The following VSTM1 variants were observed in gnomAD, a reference collection of about 807,000 sequenced individuals.
VSTM1 encodes V-set and transmembrane domain-containing protein 1.
Under a neutral mutation model 33.1 loss-of-function variants are expected in VSTM1, and 27 were observed. The observed-to-expected ratio is 0.82, with a 90% CI of 0.60 to 1.12. The LOEUF (loss-of-function observed/expected upper bound fraction) is 1.12. Among genes scored for constraint, VSTM1 ranks in the 50% most tolerant of loss-of-function variants. VSTM1 has a pLI of 0.00. For synonymous variants in VSTM1, 115 were observed against 110.3 expected (o/e 1.04, Z -0.27); for missense variants, 304 against 288.9 (o/e 1.05, Z -0.38).
At chr19:54,050,297 C>T (rs2070778382) in intron 4 of VSTM1, among the ~76,000 whole-genome samples, 1 of 151,866 alleles carries the variant, frequency 6.6e-6, no homozygotes, top group South Asian at 2.1e-4. Context: ...CCTCGCCTGG[C>T]CCAAAAGCTC....
intron 4 of VSTM1, among the ~76,000 whole-genome samples, chr19:54,044,261 G>C (rs1308775155): frequency 1.3e-5 from 2 of 152,124 alleles, no homozygotes; most frequent in Non-Finnish European, 2.9e-5. Flanking sequence ...GAGCAGGGTA[G>C]AAAAGAATGA....
chr19:54,059,234 C>T (rs138701310), intron 1 of VSTM1, among the ~76,000 whole-genome samples: 7,794 of 151,490 alleles, frequency 0.051, 267 homozygotes, highest in Admixed American at 0.1. Flanking sequence ...CTAATTTTTG[C>T]ATTTTTAGTA....
At chr19:54,060,061 C>CCA (rs1452895358) in intron 1 of VSTM1, among the ~76,000 whole-genome samples, 2 of 149,966 alleles carry the variant, frequency 1.3e-5, no homozygotes, top group African/African-American at 4.9e-5. Flanking sequence ...ACTGTGTTAG[C>CCA]CAGGATGGTC....
rs746417147 is a variant in VSTM1 at position 54,056,920 on chromosome 19, T to G, written c.355+1386A>C. Among the ~76,000 whole-genome samples the G allele has an allele frequency of 8.7e-4, 121 of 139,374 alleles. 17 individuals are homozygous for G. The highest frequency in any genetic ancestry group is 1.6e-3 in the Non-Finnish European group (103 of 63,598). 91.4% of individuals were successfully genotyped at this position (139,374 alleles called of 152,430 possible). A position where few individuals can be genotyped will look rare whatever the true frequency, so the allele number is the denominator to read the frequency against. Reference sequence around the variant, plus strand: ...CAGGCTGCAGTGCAGTGGCACAATCTCAGCTCATTACAACCTCTGCCTTCT... The same window carrying G: ...CAGGCTGCAGTGCAGTGGCACAATCGCAGCTCATTACAACCTCTGCCTTCT... On this transcript the variant is annotated intron_variant, in intron 3 of 8. Transcript: ENST00000338372.
At position 54,042,278 on chromosome 19, in the gene VSTM1, G is replaced by A. The variant is rs749033659; in HGVS notation, c.486C>T (p.His162=). ...SVFIIYRCSQ[H]SSSSEESTKR... is the part of the protein sequence containing the mutation. ...TCCCTTTGCGTTCTCTGAGCTCACT[G>A]TGCTGGCTGCATCTGTAGATGATGA... The change falls in exon 5 of 9, where the codon CAC becomes CAT. Residue 162 remains histidine, a splice_region_variant and synonymous_variant. Coordinates refer to ENST00000338372, the MANE Select transcript of VSTM1 (RefSeq NM_198481.4). The A allele has an allele frequency of 5.6e-6, 9 of 1,613,840 alleles. No homozygotes were observed. In the Admixed American group the frequency reaches 1.2e-4, roughly 21 times the overall value.
At chr19:54,051,288 T>A (rs1164807593) in intron 4 of VSTM1, 122 bp downstream of exon 4, 1 of 937,098 alleles carries the variant, frequency 1.1e-6, no homozygotes, top group African/African-American at 1.7e-5. Context: ...CGAGACTCTA[T>A]CTCAAAAAAC....
At chr19:54,048,775 C>T (rs2070713884) in intron 4 of VSTM1, among the ~76,000 whole-genome samples, 1 of 152,098 alleles carries the variant, frequency 6.6e-6, no homozygotes, top group African/African-American at 2.4e-5. Flanking sequence ...GTGCAGACAA[C>T]ACAAATGTCC....
intron 4 of VSTM1, among the ~76,000 whole-genome samples, chr19:54,043,013 G>A (rs551608363): frequency 1.3e-5 from 2 of 150,360 alleles, no homozygotes; most frequent in Non-Finnish European, 3.0e-5. Context: ...ACATCTGTCT[G>A]TGTAATCACT....
At chr19:54,045,547 G>A (rs1010974742) in intron 4 of VSTM1, among the ~76,000 whole-genome samples, 2 of 151,604 alleles carry the variant, frequency 1.3e-5, no homozygotes, top group African/African-American at 2.4e-5. Context: ...TCTATCTACC[G>A]ACTTACCTAT....
intron 1 of VSTM1, 110 bp from the exon 2 acceptor site, chr19:54,058,842 T>A (rs865781855): frequency 8.1e-6 from 4 of 496,324 alleles, no homozygotes; most frequent in East Asian, 7.6e-5. Context: ...TATATATATA[T>A]AATGTATATA....
intron 1 of VSTM1, among the ~76,000 whole-genome samples, chr19:54,061,984 T>C (rs1473180181): frequency 4.6e-5 from 7 of 151,356 alleles, no homozygotes; most frequent in African/African-American, 1.7e-4. Flanking sequence ...GGTGAAACCC[T>C]GTCTCTACTA....
chr19:54,053,862 G>C (rs2070964085), intron 3 of VSTM1, among the ~76,000 whole-genome samples: 1 of 142,240 alleles, frequency 7.0e-6, no homozygotes, highest in South Asian at 2.3e-4. Context: ...CTGATAGCTT[G>C]CTCTTATTTC....
chr19:54,042,841 T>TGC (rs2070387375), intron 4 of VSTM1, among the ~76,000 whole-genome samples: 2 of 96,422 alleles, frequency 2.1e-5, no homozygotes. Context: ...TATATATACA[T>TGC]ATATATATAT....
chr19:54,041,534 C>G (rs1156429307), intron 8 of VSTM1, among the ~76,000 whole-genome samples: 1 of 152,114 alleles, frequency 6.6e-6, no homozygotes, highest in Non-Finnish European at 1.5e-5. Context: ...ATCTCCTGAC[C>G]TCATGATCCG....
At chr19:54,051,796 T>A (rs879980958) in intron 3 of VSTM1, among the ~76,000 whole-genome samples, 31 of 152,168 alleles carry the variant, frequency 2.0e-4, no homozygotes, top group Non-Finnish European at 2.9e-5. Flanking sequence ...AGTCTTGCAC[T>A]GTTACCCAAG....
At chr19:54,058,841 ATAATGTATATATGTAT>A in intron 1 of VSTM1, 109 bp from the exon 2 acceptor site, 1 of 517,424 alleles carries the variant, frequency 1.9e-6, no homozygotes. Context: ...ATATATATAT[ATAATGTATATATGTAT>A]TATATATAAT....
At chr19:54,041,363 G>A (rs1208311210) in intron 8 of VSTM1, among the ~76,000 whole-genome samples, 2 of 151,756 alleles carry the variant, frequency 1.3e-5, no homozygotes, top group South Asian at 2.1e-4. Flanking sequence ...GTGCGGTGGC[G>A]TGATCTCGGC....
At chr19:54,059,842 G>GT (rs202075904) in intron 1 of VSTM1, among the ~76,000 whole-genome samples, 3,522 of 139,366 alleles carry the variant, frequency 0.025, 76 homozygotes, top group Admixed American at 0.051. Context: ...AGAGTGGTGG[G>GT]TTTTTTTTTT....
intron 3 of VSTM1, among the ~76,000 whole-genome samples, chr19:54,052,570 C>G (rs1467511352): frequency 7.1e-6 from 1 of 140,536 alleles, no homozygotes; most frequent in Non-Finnish European, 1.6e-5. Context: ...ATGATATATG[C>G]GGAGATGTTG....
Sources: allele counts gnomAD v4.1 joint callset (sites outside exome capture counted in the v4.1 genomes callset), GRCh38; gene constraint gnomAD v4.1.1; transcripts MANE v1.5; gene names NCBI Gene and HGNC (gene_info 2026-07-23, HGNC 2026-07-21).